The following BLM variants were observed in gnomAD, a reference collection of about 807,000 sequenced individuals.
BLM encodes the protein BLM RecQ like helicase.
BLM carries 95 observed loss-of-function variants against 135.3 expected under a neutral mutation model. That is an observed-to-expected ratio of 0.70 (90% confidence interval 0.59 to 0.83). The LOEUF (loss-of-function observed/expected upper bound fraction) is 0.83, where lower values mean the gene tolerates loss of function less well. Among genes scored for constraint, BLM ranks in the 40% least tolerant of loss-of-function variants. The probability of loss-of-function intolerance (pLI) is 0.00; values close to 1 mark genes in which losing one functional copy is unlikely to be tolerated. For missense variants in BLM, 1,518 were observed against 1,663.9 expected, an observed-to-expected ratio of 0.91 and a Z score of 1.53; for synonymous variants, 520 against 589.2, an observed-to-expected ratio of 0.88 and a Z score of 1.70.
Position 90,760,678 on chromosome 15 carries a change from T to C in BLM, c.1305T>C (p.Leu435=), listed in dbSNP as rs778967807. ...TGTGGAGATACAGGCCTGATTCACT[T>C]GATGGCCCTATGGAGGGTGATTCCT... is the stretch of plus-strand genomic sequence containing the variant. The part of the protein sequence containing the change: ...GSLWRYRPDS[L]DGPMEGDSCP... Residue 435 remains leucine (L), a synonymous_variant, in exon 7 of 22, where the codon CTT becomes CTC. Transcript: ENST00000355112. The C allele has an allele frequency of 1.1e-5, 18 of 1,613,918 alleles. No individual in the cohort carries two copies. The highest frequency in any genetic ancestry group is 8.3e-5 in the Admixed American group (5 of 60,004).
intron 1 of BLM, among the ~76,000 whole-genome samples, chr15:90,736,147 A>C (rs1895210145): frequency 6.6e-6 from 1 of 152,222 alleles, no homozygotes; most frequent in African/African-American, 2.4e-5. Context: ...GAGGAATGCA[A>C]ACTTGTAAAA....
intron 1 of BLM, among the ~76,000 whole-genome samples, chr15:90,723,795 C>T (rs975821256): frequency 1.2e-4 from 18 of 152,054 alleles, no homozygotes; most frequent in African/African-American, 4.3e-4. Flanking sequence ...TTTTGATTAA[C>T]AACTCCCCAT....
chr15:90,768,959 C>T (rs1227927929), intron 10 of BLM, among the ~76,000 whole-genome samples, 174 bp from the exon 11 acceptor site: 3 of 152,218 alleles, frequency 2.0e-5, no homozygotes, highest in Non-Finnish European at 2.9e-5. Flanking sequence ...CTCCCGACCT[C>T]GGATGATCCA....
intron 16 of BLM, among the ~76,000 whole-genome samples, chr15:90,795,865 C>T (rs1410643555): frequency 3.9e-5 from 6 of 152,150 alleles, no homozygotes; most frequent in South Asian, 2.1e-4. Flanking sequence ...CAGTATTAGA[C>T]GGGGTGGTCC....
intron 3 of BLM, among the ~76,000 whole-genome samples, chr15:90,751,573 C>T (rs1281248884): frequency 3.3e-5 from 5 of 152,232 alleles, no homozygotes; most frequent in Non-Finnish European, 5.9e-5. Flanking sequence ...TCTTCGGCCT[C>T]AGTCGAGCAT....
chr15:90,801,326 A>T (rs1897161371), intron 17 of BLM, among the ~76,000 whole-genome samples: 1 of 152,194 alleles, frequency 6.6e-6, no homozygotes, highest in Non-Finnish European at 1.5e-5. Flanking sequence ...ACAGACCTAA[A>T]CAAGGTTACA....
chr15:90,758,160 G>A (rs760719920), intron 5 of BLM, among the ~76,000 whole-genome samples: 30 of 151,768 alleles, frequency 2.0e-4, no homozygotes, highest in Admixed American at 1.6e-3. Context: ...GATTACAGGC[G>A]TGAGCCACCA....
chr15:90,801,321 C>T (rs879280562), intron 17 of BLM, among the ~76,000 whole-genome samples: 1 of 152,032 alleles, frequency 6.6e-6, no homozygotes, highest in Non-Finnish European at 1.5e-5. Context: ...AACATACAGA[C>T]CTAAACAAGG....
chr15:90,794,108 A>G (rs913660836), intron 15 of BLM, 59 bp from the exon 16 acceptor site: 10 of 1,257,330 alleles, frequency 8.0e-6, no homozygotes, highest in African/African-American at 6.0e-5. Flanking sequence ...AAATATTTCT[A>G]TGATATGCTC....
At chr15:90,771,660 C>T (rs543163271) in intron 12 of BLM, among the ~76,000 whole-genome samples, 19 of 142,572 alleles carry the variant, frequency 1.3e-4, no homozygotes, top group Admixed American at 3.7e-4. Flanking sequence ...AAGCTGGTCT[C>T]GAACTCCTGG....
chr15:90,787,599 C>T (rs1002738535), intron 14 of BLM, among the ~76,000 whole-genome samples: 2 of 152,012 alleles, frequency 1.3e-5, no homozygotes, highest in African/African-American at 4.8e-5. Flanking sequence ...ACTTAATATA[C>T]GTGAACTAGT....
At chr15:90,784,815 A>G in intron 13 of BLM, 106 bp from the exon 14 acceptor site, 1 of 1,197,884 alleles carries the variant, frequency 8.3e-7, no homozygotes, top group Middle Eastern at 2.3e-4. Context: ...TAAGAACACT[A>G]CGGGAGATCT....
chr15:90,729,496 G>A (rs1186413752), intron 1 of BLM, among the ~76,000 whole-genome samples: 2 of 152,060 alleles, frequency 1.3e-5, no homozygotes, highest in Admixed American at 6.6e-5. Flanking sequence ...GAGACTATTC[G>A]TATTCCTTGA....
rs28384971 is a variant in BLM, at chr15:90,746,922, G to C, written c.-4-467G>C. Among the ~76,000 whole-genome samples, 1,452 of 152,236 alleles carry C rather than the reference G, an allele frequency of 9.5e-3. 19 individuals carry two copies. Among genetic ancestry groups the C allele is most frequent in the African/African-American group, 0.034 (1,403 of 41,514 alleles). On this transcript the variant is annotated intron_variant, in intron 1 of 21. Coordinates refer to ENST00000355112, the MANE Select transcript of BLM (RefSeq NM_000057.4). ...TAAACCTTTGCTCTCATTGGTGGTG[G>C]TGTTCCTCCTTTCCCCAGTTCTGCC...
At chr15:90,759,200 G>C (rs182949778) in intron 5 of BLM, among the ~76,000 whole-genome samples, 1 of 152,078 alleles carries the variant, frequency 6.6e-6, no homozygotes, top group African/African-American at 2.4e-5. Flanking sequence ...GAAGATAATA[G>C]GACAATATAT....
chr15:90,730,313 A>T (rs1183855357), intron 1 of BLM, among the ~76,000 whole-genome samples: 2 of 152,170 alleles, frequency 1.3e-5, no homozygotes, highest in Non-Finnish European at 2.9e-5. Context: ...TATATATCTG[A>T]TAAAAGTATT....
intron 16 of BLM, among the ~76,000 whole-genome samples, chr15:90,797,288 T>G (rs1186474876): frequency 6.6e-6 from 1 of 151,590 alleles, no homozygotes; most frequent in South Asian, 2.1e-4. Flanking sequence ...TGGTGGCAGG[T>G]GCCTGTAACC....
Position 90,760,936 on chromosome 15 carries a change from A to G in BLM, c.1563A>G (p.Pro521=), listed in dbSNP as rs763118109. The G allele has an allele frequency of 3.1e-6, 5 of 1,613,982 alleles. No homozygotes were observed. In the African/African-American group the frequency reaches 6.7e-5, roughly 22 times the overall value. The change falls in exon 7 of 22, where the codon CCA becomes CCG. Residue 521 remains proline (P), a synonymous_variant. Coordinates refer to ENST00000355112, the MANE Select transcript of BLM (RefSeq NM_000057.4). ...AAAAAAATGAAAGCTCTTATTTCCC[A>G]GGAAATGTTCTCACAAGCACTGCTG... is the stretch of plus-strand genomic sequence containing the variant. ...LGKKNESSYF[P]GNVLTSTAVK...
chr15:90,769,515 T>G lies in BLM; in HGVS notation c.2484T>G (p.Ala828=). The change falls in exon 12 of 22, where the codon GCT becomes GCG. Residue 828 remains alanine (A), a synonymous_variant. Coordinates refer to ENST00000355112, the MANE Select transcript of BLM (RefSeq NM_000057.4). ...RQKFPSVPVM[A]LTATANPRVQ... is the part of the protein sequence containing the mutation. ...AGTTTCCTTCTGTTCCGGTGATGGC[T>G]CTTACGGCCACAGCTAATCCCAGGG... 6.2e-7 allele frequency: 1 copy of G among 1,613,920 alleles called. No individual in the cohort carries two copies. Among genetic ancestry groups the G allele is most frequent in the South Asian group, 1.1e-5 (1 of 91,072 alleles).
Sources: gnomAD v4.1 joint callset for allele counts (sites outside exome capture counted in the v4.1 genomes callset) on GRCh38, gnomAD v4.1.1 for gene constraint, MANE v1.5 for transcripts, NCBI Gene and HGNC (gene_info 2026-07-23, HGNC 2026-07-21) for gene names.